Variants in SSU72 observed in about 807,000 individuals in gnomAD.
SSU72 encodes the protein SSU72 homolog, RNA polymerase II CTD phosphatase.
A neutral mutation model predicts 22.7 loss-of-function variants in SSU72; 12 were observed. The observed-to-expected ratio is 0.53, with a 90% CI of 0.34 to 0.86. The LOEUF (loss-of-function observed/expected upper bound fraction) is 0.86, where lower values mean the gene tolerates loss of function less well. Among genes scored for constraint, SSU72 ranks in the 40% least tolerant of loss-of-function variants. SSU72 has a pLI of 0.02. For missense variants in SSU72, 151 were observed against 249.8 expected (o/e 0.60, Z 2.67); for synonymous variants, 116 against 98.3 (o/e 1.18, Z -1.06).
intron 1 of SSU72, among the ~76,000 whole-genome samples, chr1:1,573,015 G>T (rs1287689941): frequency 1.3e-5 from 2 of 152,068 alleles, no homozygotes; most frequent in East Asian, 1.9e-4. Flanking sequence ...TTGGCCGGAT[G>T]CGGTGGCTGA....
At chr1:1,562,423 C>A (rs541110925) in intron 2 of SSU72, 2 of 152,262 alleles carry the variant, frequency 1.3e-5, no homozygotes, top group Admixed American at 6.5e-5. Flanking sequence ...AAGACCCAGC[C>A]CCAAACCAGA....
chr1:1,545,273 G>A (rs1212017621), intron 2 of SSU72: 4 of 398,048 alleles, frequency 1.0e-5, no homozygotes, highest in East Asian at 4.6e-5. Flanking sequence ...GACACCCCCC[G>A]CCCCCGCCCA....
Position 1,543,974 on chromosome 1 carries a change from T to C in SSU72, c.378A>G (p.Arg126=). The change falls in exon 4 of 5, where the codon AGA becomes AGG. Residue 126 remains arginine, a synonymous_variant. Transcript: ENST00000291386. The part of the protein sequence containing the change: ...YDQVVEDLNS[R]EQETCQPVHV... ...GCACAGGCTGGCAGGTCTCCTGTTC[T>C]CTGGAATTCAGATCTGATTGGGACA... is the stretch of plus-strand genomic sequence containing the variant. The C allele has an allele frequency of 6.2e-7, 1 of 1,613,580 alleles. No homozygotes were observed. Among genetic ancestry groups the C allele is most frequent in the Non-Finnish European group, 8.5e-7 (1 of 1,179,736 alleles).
intron 2 of SSU72, among the ~76,000 whole-genome samples, chr1:1,555,981 C>T (rs1033044839): frequency 3.3e-5 from 5 of 151,952 alleles, no homozygotes; most frequent in East Asian, 3.9e-4. Context: ...AAAGTCAGAG[C>T]GAGACCGTCT....
intron 2 of SSU72, among the ~76,000 whole-genome samples, chr1:1,548,620 G>A (rs983459597): frequency 1.3e-5 from 2 of 152,048 alleles, no homozygotes; most frequent in African/African-American, 4.8e-5. Flanking sequence ...GTGAGATGTG[G>A]CAGCCACGGG....
At position 1,542,993 on chromosome 1, in the gene SSU72, C is replaced by T. The variant is rs960352150; in HGVS notation, c.484-826G>A. On this transcript the variant is annotated intron_variant, in intron 4 of 4. Transcript: ENST00000291386. This position sits in a 1 kb window ranked among gnomAD's most constrained non-coding sequence, Gnocchi z 4.4. ...CTCCCGGGCTTTCCAAACACACCAT[C>T]TTCTTTCTTGGTGAAGCTGTTCTGT... Among the ~76,000 whole-genome samples, 50 of 152,254 alleles carry T rather than the reference C, an allele frequency of 3.3e-4. No individual in the cohort carries two copies. Among genetic ancestry groups the T allele is most frequent in the African/African-American group, 1.2e-3 (49 of 41,468 alleles).
intron 1 of SSU72, among the ~76,000 whole-genome samples, chr1:1,572,699 C>G (rs1374526561): frequency 6.6e-6 from 1 of 151,214 alleles, no homozygotes; most frequent in Admixed American, 6.6e-5. Context: ...CTTTGTGATC[C>G]GCCCATCTCG....
At chr1:1,559,869 C>T (rs1417948506) in intron 2 of SSU72, among the ~76,000 whole-genome samples, 1 of 152,152 alleles carries the variant, frequency 6.6e-6, no homozygotes, top group African/African-American at 2.4e-5. Context: ...TAGGATCAGG[C>T]ATGCACCACG....
At chr1:1,571,373 G>C (rs1355600337) in intron 1 of SSU72, among the ~76,000 whole-genome samples, 1 of 148,672 alleles carries the variant, frequency 6.7e-6, no homozygotes, top group African/African-American at 2.5e-5. Flanking sequence ...AGAGGTTGCA[G>C]TGAGCCAAGA....
Position 1,543,947 on chromosome 1 carries a change from G to A in SSU72, c.405C>T (p.His135=), listed in dbSNP as rs771453819. The A allele has an allele frequency of 4.3e-6, 7 of 1,613,950 alleles. No individual in the cohort carries two copies. Among genetic ancestry groups the A allele is most frequent in the African/African-American group, 2.7e-5 (2 of 74,950 alleles). Residue 135 remains histidine (H), a synonymous_variant, in exon 4 of 5, where the codon CAC becomes CAT. Transcript: ENST00000291386. ...TGTCCTGGATGTCCACATTGACCAC[G>A]TGCACAGGCTGGCAGGTCTCCTGTT... is the stretch of plus-strand genomic sequence containing the variant. The part of the protein sequence containing the change: ...SREQETCQPV[H]VVNVDIQDNH...
intron 1 of SSU72, among the ~76,000 whole-genome samples, chr1:1,569,577 C>T (rs187002210): frequency 9.1e-4 from 139 of 152,292 alleles, no homozygotes; most frequent in African/African-American, 2.9e-3. Context: ...AGTCATAGCT[C>T]ACCACAGCCT....
intron 1 of SSU72, among the ~76,000 whole-genome samples, chr1:1,574,270 T>G (rs1642778696): frequency 6.6e-6 from 1 of 151,624 alleles, no homozygotes; most frequent in African/African-American, 2.4e-5. Flanking sequence ...AGCGGGCGCC[T>G]CGTCCCGGAA....
chr1:1,558,904 T>C (rs530709997), intron 2 of SSU72, among the ~76,000 whole-genome samples: 1 of 152,200 alleles, frequency 6.6e-6, no homozygotes, highest in South Asian at 2.1e-4. Flanking sequence ...ACTTGTCTTC[T>C]CCCCAAAGGC....
chr1:1,546,733 C>T (rs921261870), intron 2 of SSU72, among the ~76,000 whole-genome samples: 33 of 152,070 alleles, frequency 2.2e-4, no homozygotes, highest in African/African-American at 7.5e-4. Context: ...GCTACAGCTA[C>T]TCAGGAGGCT....
intron 1 of SSU72, among the ~76,000 whole-genome samples, chr1:1,571,582 T>C (rs1642732026): frequency 6.6e-6 from 1 of 152,206 alleles, no homozygotes; most frequent in Non-Finnish European, 1.5e-5. Flanking sequence ...ATTTGAATGA[T>C]GGCGGCACAG....
At position 1,542,344 on chromosome 1, in the gene SSU72, T is replaced by A. The variant is rs1391525062; in HGVS notation, c.484-177A>T. Among the ~76,000 whole-genome samples the A allele has an allele frequency of 6.6e-6, 1 of 151,902 alleles. No homozygotes were observed. The highest frequency in any genetic ancestry group is 6.6e-5 in the Admixed American group (1 of 15,258). ...GGCCGGAGGCTGCAGGGGGAGAGCG[T>A]CCCGGGCAGCCCCCACCTCCCCACC... On this transcript the variant is annotated intron_variant, in intron 4 of 4. Transcript: ENST00000291386. The surrounding 1 kb of genome is among the most constrained non-coding windows in gnomAD (Gnocchi z 4.4).
chr1:1,558,374 AAATAAT>A (rs375195052), intron 2 of SSU72, among the ~76,000 whole-genome samples: 1 of 152,018 alleles, frequency 6.6e-6, no homozygotes, highest in African/African-American at 2.4e-5. Flanking sequence ...TCTCAAAACC[AAATAAT>A]AATAATAATC....
chr1:1,558,436 T>C (rs1316535956), intron 2 of SSU72, among the ~76,000 whole-genome samples: 1 of 151,846 alleles, frequency 6.6e-6, no homozygotes, highest in African/African-American at 2.4e-5. Flanking sequence ...TAGAAAAAAA[T>C]CCACAAGAGA....
chr1:1,564,571 C>T, intron 2 of SSU72: 3 of 1,592,472 alleles, frequency 1.9e-6, no homozygotes, highest in East Asian at 4.6e-5. Flanking sequence ...TGCGCCTCAC[C>T]ACGCCTACTG....
Sources: allele counts gnomAD v4.1 joint callset (sites outside exome capture counted in the v4.1 genomes callset), GRCh38; gene constraint gnomAD v4.1.1; non-coding constraint Gnocchi (gnomAD v3.1); transcripts MANE v1.5; gene names NCBI Gene and HGNC (gene_info 2026-07-23, HGNC 2026-07-21).